CERK: variants seen among roughly 807,000 people sequenced by gnomAD.
The protein encoded by CERK is ceramide kinase, also known as acylsphingosine kinase.
Under a neutral mutation model 63.4 loss-of-function variants are expected in CERK, and 39 were observed. The observed-to-expected ratio is 0.61, with a 90% CI of 0.48 to 0.80. The LOEUF is 0.80. Ranked by LOEUF, CERK falls within the 30% of genes least tolerant of loss-of-function variation. CERK has a pLI of 0.00. For missense variants in CERK, 670 were observed against 714.1 expected (o/e 0.94, Z 0.70); for synonymous variants, 302 against 280.0 (o/e 1.08, Z -0.78).
chr22:46,684,896 G>C lies in CERK; in HGVS notation c.*2238C>G, dbSNP rs1335635381. 1 of 152,226 alleles carries C rather than the reference G, an allele frequency of 6.6e-6. No homozygotes were observed. Among genetic ancestry groups the C allele is most frequent in the African/African-American group, 2.4e-5 (1 of 41,452 alleles). The allele number at this position is 152,226 out of a possible 1,614,324, so 9.4% of individuals were successfully genotyped here. ...TACCGCAACAGCAGTCCCGAGGTCT[G>C]AGATTCTGAATGTCAGCAGGTGGCT... is the stretch of plus-strand genomic sequence containing the variant. On this transcript the variant is annotated 3_prime_UTR_variant, in exon 13 of 13. Coordinates refer to ENST00000216264, the MANE Select transcript of CERK (RefSeq NM_022766.6).
intron 3 of CERK, 134 bp downstream of exon 3, chr22:46,719,952 T>C (rs1601724933): frequency 8.3e-7 from 1 of 1,211,778 alleles, no homozygotes; most frequent in South Asian, 1.4e-5. Flanking sequence ...AGAAATTAAG[T>C]CAGCCTGACT....
intron 8 of CERK, among the ~76,000 whole-genome samples, chr22:46,698,815 C>A (rs1053742807): frequency 6.6e-6 from 1 of 152,116 alleles, no homozygotes; most frequent in African/African-American, 2.4e-5. Context: ...GTGGGAGAAT[C>A]ACTTGAGCCT....
intron 6 of CERK, among the ~76,000 whole-genome samples, chr22:46,704,868 C>T (rs2082805612): frequency 6.6e-6 from 1 of 151,532 alleles, no homozygotes; most frequent in Admixed American, 6.6e-5. Context: ...CTTGCTTCCC[C>T]ATGAGAACAT....
rs114896029 is a variant in CERK, at chr22:46,703,630, C to T, written c.716-1920G>A. On this transcript the variant is annotated intron_variant, in intron 6 of 12. Coordinates refer to ENST00000216264, the MANE Select transcript of CERK (RefSeq NM_022766.6). ...AGGCGATGCTGCGGAGCAGAGACTCCACACAGCCCCCCACCAGCTACACCC... is the reference window on the plus strand; with the variant it reads ...AGGCGATGCTGCGGAGCAGAGACTCTACACAGCCCCCCACCAGCTACACCC... 4.6e-3 allele frequency among the ~76,000 whole-genome samples: 694 copies of T among 152,312 alleles called. 8 individuals carry two copies. Among genetic ancestry groups the T allele is most frequent in the African/African-American group, 0.016 (645 of 41,544 alleles).
At chr22:46,716,315 C>T (rs879356512) in intron 3 of CERK, among the ~76,000 whole-genome samples, 1 of 151,522 alleles carries the variant, frequency 6.6e-6, no homozygotes, top group Admixed American at 6.6e-5. Flanking sequence ...CTCAGCCTCT[C>T]GAGTAGCTGG....
Position 46,689,915 on chromosome 22 carries a change from C to A in CERK, c.1541+77G>T. 1.2e-5 allele frequency: 14 copies of A among 1,149,554 alleles called. No homozygotes were observed. The South Asian group carries it at 1.8e-4, about 15-fold the overall frequency. 71.2% of individuals were successfully genotyped at this position (1,149,554 alleles called of 1,614,324 possible). A position where few individuals can be genotyped will look rare whatever the true frequency, so the allele number is the denominator to read the frequency against. On this transcript the variant is annotated intron_variant, in intron 12 of 12. Transcript: ENST00000216264. ...ATAAAGCCCCAGGGAACCCCCCACCCTGGGTGGGGCAGCTTGTGACAGACA... is the reference window on the plus strand; with the variant it reads ...ATAAAGCCCCAGGGAACCCCCCACCATGGGTGGGGCAGCTTGTGACAGACA...
intron 10 of CERK, among the ~76,000 whole-genome samples, chr22:46,692,525 C>T (rs1376861439): frequency 6.6e-6 from 1 of 151,712 alleles, no homozygotes; most frequent in Non-Finnish European, 1.5e-5. Flanking sequence ...TCGCTTGAAC[C>T]CAGAAGGTGG....
intron 5 of CERK, among the ~76,000 whole-genome samples, chr22:46,708,795 A>G (rs1000624532): frequency 1.3e-5 from 2 of 152,116 alleles, no homozygotes; most frequent in Non-Finnish European, 2.9e-5. Context: ...GGACATCTCT[A>G]TAGCCTACGG....
At position 46,701,555 on chromosome 22, in the gene CERK, C is replaced by T. The variant is rs56259423; in HGVS notation, c.790+81G>A. 132 of 1,231,434 alleles carry T rather than the reference C, an allele frequency of 1.1e-4. 1 individual carries two copies. The highest frequency in any genetic ancestry group is 6.0e-4 in the South Asian group (44 of 73,924). The allele number at this position is 1,231,434 out of a possible 1,614,324, so 76.3% of individuals were successfully genotyped here. On this transcript the variant is annotated intron_variant, in intron 7 of 12. Transcript: ENST00000216264. ...ACAGGACGGCAACGGCTGGAACACG[C>T]GACGGGGACCAGAGTGGGACAGGCC...
intron 1 of CERK, among the ~76,000 whole-genome samples, chr22:46,734,153 C>G (rs539153467): frequency 2.1e-4 from 32 of 151,890 alleles, no homozygotes; most frequent in South Asian, 2.1e-3. Flanking sequence ...AGCATAGCCC[C>G]TAAAGGGTCA....
chr22:46,710,617 G>T (rs1419851369), intron 5 of CERK, among the ~76,000 whole-genome samples: 3 of 152,114 alleles, frequency 2.0e-5, no homozygotes, highest in African/African-American at 7.2e-5. Flanking sequence ...GCAAAAATTG[G>T]AAAGAGCCTG....
intron 12 of CERK, among the ~76,000 whole-genome samples, chr22:46,689,786 C>T (rs1038910686): frequency 6.6e-6 from 1 of 152,190 alleles, no homozygotes; most frequent in African/African-American, 2.4e-5. Context: ...GCTGAGGACT[C>T]GGCACCCTGG....
intron 10 of CERK, 126 bp from the exon 11 acceptor site, chr22:46,691,903 C>T (rs930768707): frequency 1.5e-5 from 10 of 662,768 alleles, no homozygotes; most frequent in South Asian, 7.8e-5. Flanking sequence ...TTCATGCAAT[C>T]GACTCTTCAG....
At chr22:46,717,410 G>C (rs1272724252) in intron 3 of CERK, among the ~76,000 whole-genome samples, 1 of 152,228 alleles carries the variant, frequency 6.6e-6, no homozygotes, top group East Asian at 1.9e-4. Flanking sequence ...TGAATAAATG[G>C]CCGTAACATT....
At chr22:46,699,605 G>A in intron 7 of CERK, 140 bp from the exon 8 acceptor site, 1 of 724,256 alleles carries the variant, frequency 1.4e-6, no homozygotes, top group Non-Finnish European at 2.3e-6. Context: ...TCAGTGCAAG[G>A]ATTCTCTCTC....
chr22:46,699,479 C>T lies in CERK; in HGVS notation c.791-14G>A, dbSNP rs181696383. The T allele has an allele frequency of 3.1e-3, 4,951 of 1,613,462 alleles. 13 individuals are homozygous for T. Among genetic ancestry groups the T allele is most frequent in the Non-Finnish European group, 3.8e-3 (4,540 of 1,179,530 alleles). On this transcript the variant is annotated splice_polypyrimidine_tract_variant and intron_variant, in intron 7 of 12. Coordinates refer to ENST00000216264, the MANE Select transcript of CERK (RefSeq NM_022766.6). ...CCAGCGAGTCCCCTGTGGGAGAGAA[C>T]GGCCGTGAGGGAAGGCAGCCCCCCT...
Position 46,738,165 on chromosome 22 carries a change from G to A in CERK, c.-17C>T. On this transcript the variant is annotated 5_prime_UTR_variant, in exon 1 of 13. It adds an upstream start codon to the 5' untranslated region. Transcript: ENST00000216264. ...CGCCCCCATCTCCGCCGCCGGGCTC[G>A]TCCGCCAGGCTGGGGGCGCGCGGAC... 1 of 1,163,040 alleles carries A rather than the reference G, an allele frequency of 8.6e-7. No individual in the cohort carries two copies. The highest frequency in any genetic ancestry group is 3.1e-5 in the South Asian group (1 of 31,814). 72.0% of individuals were successfully genotyped at this position (1,163,040 alleles called of 1,614,324 possible). A position where few individuals can be genotyped will look rare whatever the true frequency, so the allele number is the denominator to read the frequency against.
chr22:46,690,114 C>T lies in CERK; in HGVS notation c.1419G>A (p.Lys473=). 6.2e-7 allele frequency: 1 copy of T among 1,614,114 alleles called. No individual in the cohort carries two copies. The highest frequency in any genetic ancestry group is 8.5e-7 in the Non-Finnish European group (1 of 1,180,004). ...GCCCAAAGCGCTTCTTCCCCCCCTC[C>T]TTGAGGTCGCTGTCCTCATCCTCCA... ...KHMEDEDSDL[K]EGGKKRFGHI... is the part of the protein sequence containing the mutation. The change falls in exon 12 of 13, where the codon AAG becomes AAA. Residue 473 remains lysine (K), a synonymous_variant. Coordinates refer to ENST00000216264, the MANE Select transcript of CERK (RefSeq NM_022766.6).
intron 12 of CERK, 35 bp from the exon 13 acceptor site, chr22:46,687,241 T>C: frequency 1.3e-6 from 2 of 1,581,072 alleles, no homozygotes; most frequent in Non-Finnish European, 1.7e-6. Context: ...AAACCCCACG[T>C]GTCCCTCACT....
Sources: gnomAD v4.1 joint callset for allele counts (sites outside exome capture counted in the v4.1 genomes callset) on GRCh38, gnomAD v4.1.1 for gene constraint, MANE v1.5 for transcripts, NCBI Gene and HGNC (gene_info 2026-07-23, HGNC 2026-07-21) for gene names.